Variants in STYXL1 observed in about 807,000 individuals in gnomAD.
The protein encoded by STYXL1 is serine/threonine/tyrosine-interacting-like protein 1.
In STYXL1, 32 loss-of-function variants were observed where a neutral mutation model predicts 36.4. That is an observed-to-expected ratio of 0.88 (90% CI 0.66 to 1.18). The LOEUF (loss-of-function observed/expected upper bound fraction) is 1.18, where lower values mean the gene tolerates loss of function less well. STYXL1 is among the 50% of genes most tolerant of loss of function. The probability of loss-of-function intolerance (pLI) is 0.00; values close to 1 mark genes in which losing one functional copy is unlikely to be tolerated. For synonymous variants in STYXL1, 133 were observed against 144.1 expected, an observed-to-expected ratio of 0.92 and a Z score of 0.55; for missense variants, 354 against 394.1, an observed-to-expected ratio of 0.90 and a Z score of 0.86.
In STYXL1 at chr7:76,047,907, C is replaced by G. The variant is rs552025180; in HGVS notation, c.-250G>C. 1.4e-6 allele frequency: 2 copies of G among 1,417,454 alleles called. No homozygotes were observed. The highest frequency in any genetic ancestry group is 2.9e-5 in the African/African-American group (2 of 68,596). 87.8% of individuals were successfully genotyped at this position (1,417,454 alleles called of 1,614,324 possible). A position where few individuals can be genotyped will look rare whatever the true frequency, so the allele number is the denominator to read the frequency against. ...GGCCCTCCCACTCCGACCGCAGGTC[C>G]CCCACCGGCCACACAGACGGCTACG... On this transcript the variant is annotated 5_prime_UTR_variant, in exon 1 of 9. Coordinates refer to ENST00000359697, the MANE Select transcript of STYXL1 (RefSeq NM_001317785.2).
At chr7:76,047,049 C>CAGG (rs1797209146) in intron 1 of STYXL1, among the ~76,000 whole-genome samples, 1 of 151,384 alleles carries the variant, frequency 6.6e-6, no homozygotes, top group Non-Finnish European at 1.5e-5. Context: ...ATCACGAGGT[C>CAGG]AGGAGTTCGA....
chr7:76,032,227 TA>T lies in STYXL1; in HGVS notation c.-4-1701del, dbSNP rs374647212. On this transcript the variant is annotated intron_variant, in intron 1 of 8. Coordinates refer to ENST00000359697, the MANE Select transcript of STYXL1 (RefSeq NM_001317785.2). ...GGACAACATAGTGAGACCCCATCTC[TA>T]AAAAAAAAAAAAAATTCTTAAACTA... 8.0e-3 allele frequency among the ~76,000 whole-genome samples: 1,117 copies of T among 139,344 alleles called. 3 individuals are homozygous for T. The highest frequency in any genetic ancestry group is 0.013 in the African/African-American group (494 of 38,462). The allele number at this position is 139,344 out of a possible 152,430, so 91.4% of individuals were successfully genotyped here.
chr7:76,031,493 T>G (rs1795333894), intron 1 of STYXL1, among the ~76,000 whole-genome samples: 1 of 151,910 alleles, frequency 6.6e-6, no homozygotes, highest in African/African-American at 2.4e-5. Context: ...GGTAGGTGGA[T>G]CACCTGAGGT....
intron 5 of STYXL1, 29 bp downstream of exon 5, chr7:76,013,713 G>A (rs782381495): frequency 1.9e-6 from 3 of 1,613,550 alleles, no homozygotes; most frequent in East Asian, 4.5e-5. Context: ...TCCCGTCTGG[G>A]CCTGCCTGTG....
At chr7:76,046,305 T>A (rs1796994517) in intron 1 of STYXL1, among the ~76,000 whole-genome samples, 1 of 74,742 alleles carries the variant, frequency 1.3e-5, no homozygotes, top group Non-Finnish European at 2.8e-5. Flanking sequence ...TGTGTGTGTG[T>A]GTGTGTGTGT....
Position 76,046,277 on chromosome 7 carries a change from TGTGTGTGTGTGTGTGTG to T in STYXL1, c.-5+1368_-5+1384del, listed in dbSNP as rs1563534340. Reference sequence around the variant, plus strand: ...CCAGCATGTCTCAGCTTATCTGCTGTGTGTGTGTGTGTGTGTGTGTGTGTGTGTGTGTGTGTGTGTGT... The same window carrying T: ...CCAGCATGTCTCAGCTTATCTGCTGTTGTGTGTGTGTGTGTGTGTGTGTGT... On this transcript the variant is annotated intron_variant, in intron 1 of 8. Coordinates refer to ENST00000359697, the MANE Select transcript of STYXL1 (RefSeq NM_001317785.2). Among the ~76,000 whole-genome samples, 96 of 17,974 alleles carry T rather than the reference TGTGTGTGTGTGTGTGTG, an allele frequency of 5.3e-3. 1 individual carries two copies. Among genetic ancestry groups the T allele is most frequent in the African/African-American group, 0.012 (69 of 5,924 alleles). The allele number at this position is 17,974 out of a possible 152,430, so 11.8% of individuals were successfully genotyped here. A position where few individuals can be genotyped will look rare whatever the true frequency, so the allele number is the denominator to read the frequency against.
chr7:76,017,238 G>A (rs555540207), intron 4 of STYXL1, among the ~76,000 whole-genome samples: 1 of 151,926 alleles, frequency 6.6e-6, no homozygotes, highest in Non-Finnish European at 1.5e-5. Flanking sequence ...AGCCAGGCTG[G>A]TCTCAAACTG....
intron 4 of STYXL1, among the ~76,000 whole-genome samples, chr7:76,019,310 T>A (rs1186649836): frequency 6.6e-6 from 1 of 151,838 alleles, no homozygotes; most frequent in Non-Finnish European, 1.5e-5. Flanking sequence ...AATACGTTTT[T>A]TTTAGAGACA....
At chr7:76,024,466 A>G (rs1794438403) in intron 3 of STYXL1, among the ~76,000 whole-genome samples, 1 of 152,036 alleles carries the variant, frequency 6.6e-6, no homozygotes, top group Non-Finnish European at 1.5e-5. Flanking sequence ...AAAAAATACA[A>G]GTTAGCTGGG....
At chr7:76,004,882 T>TC (rs1554569613) in intron 6 of STYXL1, among the ~76,000 whole-genome samples, 1 of 150,422 alleles carries the variant, frequency 6.6e-6, no homozygotes, top group Non-Finnish European at 1.5e-5. Flanking sequence ...GCGCCTGTAG[T>TC]CCCAGCTACT....
intron 5 of STYXL1, among the ~76,000 whole-genome samples, chr7:76,008,797 G>C (rs1792161006): frequency 6.6e-6 from 1 of 152,102 alleles, no homozygotes; most frequent in Non-Finnish European, 1.5e-5. Flanking sequence ...CCTGAGGTCA[G>C]GAGTTCAAGA....
At chr7:76,033,336 G>T (rs1328237265) in intron 1 of STYXL1, among the ~76,000 whole-genome samples, 2 of 151,410 alleles carry the variant, frequency 1.3e-5, no homozygotes, top group East Asian at 1.9e-4. Context: ...GGAGATGGGG[G>T]TCTCACACTA....
chr7:76,022,280 G>A (rs1164619943), intron 3 of STYXL1, among the ~76,000 whole-genome samples: 1 of 152,158 alleles, frequency 6.6e-6, no homozygotes, highest in Non-Finnish European at 1.5e-5. Context: ...CAGCCTATTA[G>A]GTACCCTGGT....
chr7:76,037,647 G>A (rs1796048016), intron 1 of STYXL1, among the ~76,000 whole-genome samples: 1 of 149,862 alleles, frequency 6.7e-6, no homozygotes. Context: ...GCTTCTTGTA[G>A]GAGTTCGAGG....
intron 1 of STYXL1, among the ~76,000 whole-genome samples, chr7:76,043,480 C>T (rs1028470861): frequency 1.3e-5 from 2 of 151,908 alleles, no homozygotes; most frequent in Non-Finnish European, 2.9e-5. Flanking sequence ...AGAGGGCCAC[C>T]GAGAGGGAAA....
At chr7:76,026,838 G>C (rs1023482023) in intron 3 of STYXL1, among the ~76,000 whole-genome samples, 7 of 152,304 alleles carry the variant, frequency 4.6e-5, no homozygotes, top group Admixed American at 1.3e-4. Flanking sequence ...AACGAGGTCA[G>C]GAGTTCCAGA....
chr7:76,005,494 G>T, intron 5 of STYXL1, 90 bp from the exon 6 acceptor site: 1 of 1,286,816 alleles, frequency 7.8e-7, no homozygotes. Context: ...GCAAACGAGC[G>T]TAAAAGGGCA....
At chr7:76,044,305 C>G (rs1157417319) in intron 1 of STYXL1, 1 of 152,202 alleles carries the variant, frequency 6.6e-6, no homozygotes, top group Non-Finnish European at 1.5e-5. Context: ...CTGGCACATA[C>G]CACCATGCTT....
At chr7:76,003,542 G>A (rs1791250791) in intron 7 of STYXL1, among the ~76,000 whole-genome samples, 1 of 152,190 alleles carries the variant, frequency 6.6e-6, no homozygotes, top group African/African-American at 2.4e-5. Flanking sequence ...TGCCCCCGAG[G>A]TAAACACCAC....
Sources: allele counts gnomAD v4.1 joint callset (sites outside exome capture counted in the v4.1 genomes callset), GRCh38; gene constraint gnomAD v4.1.1; transcripts MANE v1.5; gene names NCBI Gene and HGNC (gene_info 2026-07-23, HGNC 2026-07-21).